Variants in TRPM7 observed in about 807,000 individuals in gnomAD.
TRPM7 encodes the protein transient receptor potential cation channel subfamily M member 7.
Under a neutral mutation model 229.7 loss-of-function variants are expected in TRPM7, and 134 were observed. The ratio of observed to expected loss-of-function variants is 0.58; its 90% CI spans 0.51 to 0.67. TRPM7 has a LOEUF of 0.67. Ranked by LOEUF, TRPM7 falls within the 30% of genes least tolerant of loss-of-function variation. TRPM7 has a pLI of 0.00. For synonymous variants in TRPM7, 699 were observed against 715.2 expected (o/e 0.98, Z 0.36); for missense variants, 1,901 against 2,210.0 (o/e 0.86, Z 2.80).
chr15:50,572,156 G>T (rs1408493512), intron 36 of TRPM7, among the ~76,000 whole-genome samples: 1 of 152,180 alleles, frequency 6.6e-6, no homozygotes. Context: ...GCAGTGACGT[G>T]AGCCTGTAGT....
rs545935637 is a variant in TRPM7, at chr15:50,669,147, C to T, written c.4-6101G>A. On this transcript the variant is annotated intron_variant, in intron 1 of 38. Transcript: ENST00000646667. The stretch of plus-strand genomic sequence containing the variant: ...GTACAAACCCACAGCTGAGGTCAGG[C>T]GCAGTGGCTCATGGCTGAGCGTGGT... Among the ~76,000 whole-genome samples, 5 of 152,222 alleles carry T rather than the reference C, an allele frequency of 3.3e-5. No individual in the cohort carries two copies. In the East Asian group the frequency reaches 9.6e-4, roughly 29 times the overall value.
chr15:50,670,835 T>C (rs1485016549), intron 1 of TRPM7, among the ~76,000 whole-genome samples: 1 of 129,072 alleles, frequency 7.7e-6, no homozygotes, highest in East Asian at 2.1e-4. Context: ...AGCAAGAAAA[T>C]AATAAGAGGA....
In TRPM7 at chr15:50,610,069, A is replaced by T. The variant is rs1391955280; in HGVS notation, c.2281-108T>A. 3.4e-6 allele frequency: 3 copies of T among 890,150 alleles called. No homozygotes were observed. The African/African-American group carries it at 5.1e-5, about 15-fold the overall frequency. The allele number at this position is 890,150 out of a possible 1,614,324, so 55.1% of individuals were successfully genotyped here. On this transcript the variant is annotated intron_variant, in intron 17 of 38. Coordinates refer to ENST00000646667, the MANE Select transcript of TRPM7 (RefSeq NM_017672.6). ...AATAAAAGATTTTAAATATCTTGTG[A>T]TTAGCCATTTTGCCCCTAGCAGTAG... is the stretch of plus-strand genomic sequence containing the variant.
chr15:50,615,713 T>C (rs2060204190), intron 13 of TRPM7, among the ~76,000 whole-genome samples: 1 of 152,094 alleles, frequency 6.6e-6, no homozygotes. Flanking sequence ...CTAGCCAACA[T>C]GGAGAATCCC....
At chr15:50,656,272 G>A (rs752210119) in intron 3 of TRPM7, among the ~76,000 whole-genome samples, 2 of 151,912 alleles carry the variant, frequency 1.3e-5, no homozygotes, top group Non-Finnish European at 2.9e-5. Context: ...AAGTACAGGG[G>A]CAAATATGAA....
At chr15:50,625,160 C>A (rs1379833939) in intron 11 of TRPM7, among the ~76,000 whole-genome samples, 2 of 151,982 alleles carry the variant, frequency 1.3e-5, no homozygotes, top group African/African-American at 4.8e-5. Context: ...TTAATATAGT[C>A]TGTATATTTT....
chr15:50,583,556 T>G (rs2054530870), intron 28 of TRPM7, among the ~76,000 whole-genome samples: 2 of 150,266 alleles, frequency 1.3e-5, no homozygotes. Context: ...GTTTTGTTAT[T>G]TTAAACTTTA....
chr15:50,587,473 C>T (rs3131582), intron 27 of TRPM7, among the ~76,000 whole-genome samples: 50,529 of 131,302 alleles, frequency 0.38, 9,939 homozygotes, highest in Admixed American at 0.53. Flanking sequence ...TAAATCAAAA[C>T]ACAGCTACTG....
Position 50,615,244 on chromosome 15 carries a change from C to CA in TRPM7, c.1495-982dup, listed in dbSNP as rs889452879. ...TATTCCATTTTCATTGTGATACATA[C>CA]AAAAAATTGCATTTTTCTGGAAAAA... On this transcript the variant is annotated intron_variant, in intron 13 of 38. Transcript: ENST00000646667. Among the ~76,000 whole-genome samples the CA allele has an allele frequency of 6.3e-5, 9 of 142,962 alleles. No individual in the cohort carries two copies. The East Asian group carries it at 1.0e-3, about 16-fold the overall frequency. 93.8% of individuals were successfully genotyped at this position (142,962 alleles called of 152,430 possible).
intron 1 of TRPM7, among the ~76,000 whole-genome samples, chr15:50,685,029 A>G (rs1362144119): frequency 1.3e-5 from 2 of 152,258 alleles, no homozygotes; most frequent in Admixed American, 6.5e-5. Flanking sequence ...GTATCCATAA[A>G]TGACATTTGT....
rs369080985 is a variant in TRPM7 at position 50,686,768 on chromosome 15, C to G, written c.-235G>C. The G allele has an allele frequency of 4.2e-6, 2 of 472,334 alleles. No homozygotes were observed. The highest frequency in any genetic ancestry group is 4.1e-5 in the African/African-American group (2 of 48,480). 29.3% of individuals were successfully genotyped at this position (472,334 alleles called of 1,614,324 possible). On this transcript the variant is annotated 5_prime_UTR_variant, in exon 1 of 39. Transcript: ENST00000646667. ...GACTGGCCACAGGGACGCGCCCGCG[C>G]CCGCCTCCGCCGGCGACGGGGCTGG...
intron 1 of TRPM7, among the ~76,000 whole-genome samples, chr15:50,682,173 C>CA (rs34590459): frequency 0.012 from 772 of 63,654 alleles, 40 homozygotes; most frequent in Admixed American, 0.069. Flanking sequence ...AACTCAGTCT[C>CA]AAAAAAAAAA....
At chr15:50,677,197 A>C (rs2062112371) in intron 1 of TRPM7, among the ~76,000 whole-genome samples, 1 of 152,106 alleles carries the variant, frequency 6.6e-6, no homozygotes, top group African/African-American at 2.4e-5. Context: ...GTGTCTTCAC[A>C]CAGTGAAGAG....
At chr15:50,665,663 G>A (rs1228277497) in intron 1 of TRPM7, among the ~76,000 whole-genome samples, 1 of 152,136 alleles carries the variant, frequency 6.6e-6, no homozygotes, top group Non-Finnish European at 1.5e-5. Context: ...AATGGTGCAT[G>A]TATAGGAAAA....
intron 1 of TRPM7, among the ~76,000 whole-genome samples, chr15:50,670,287 TA>T (rs1473309590): frequency 6.6e-6 from 1 of 152,086 alleles, no homozygotes; most frequent in Non-Finnish European, 1.5e-5. Context: ...CCATCTTGAA[TA>T]GGGGCTGAGT....
chr15:50,648,926 T>C, intron 3 of TRPM7, 41 bp from the exon 4 acceptor site: 2 of 1,502,444 alleles, frequency 1.3e-6, no homozygotes, highest in South Asian at 1.3e-5. Flanking sequence ...TTCAAAAAAT[T>C]AGAGTTAATG....
chr15:50,645,685 T>C (rs2061242506), intron 4 of TRPM7, among the ~76,000 whole-genome samples: 1 of 152,182 alleles, frequency 6.6e-6, no homozygotes, highest in African/African-American at 2.4e-5. Flanking sequence ...CTCATTATTA[T>C]ATTTGGGCAC....
intron 13 of TRPM7, 122 bp downstream of exon 13, chr15:50,619,623 C>G (rs1250931351): frequency 3.6e-6 from 3 of 827,888 alleles, no homozygotes; most frequent in African/African-American, 3.5e-5. Context: ...TTATCTTGTT[C>G]TGTAAACTGT....
rs1478036910 is a variant in TRPM7 at position 50,569,953 on chromosome 15, C to T, written c.5401G>A (p.Asp1801Asn). 1 of 1,612,138 alleles carries T rather than the reference C, an allele frequency of 6.2e-7. No individual in the cohort carries two copies. Among genetic ancestry groups the T allele is most frequent in the African/African-American group, 1.3e-5 (1 of 74,830 alleles). The change falls in exon 38 of 39, where the codon GAT becomes AAT. Residue 1801 changes from aspartate to asparagine, a missense_variant. By Grantham distance (23) the Asp-to-Asn change is conservative. Around this residue, in one of 8 missense-constraint regions of TRPM7, gnomAD observed 257 missense variants for 352.0 expected, o/e 0.73. Coordinates refer to ENST00000646667, the MANE Select transcript of TRPM7 (RefSeq NM_017672.6). ...TTTGCTCTGAAGTTTTTAATTGCAT[C>T]TTCTCCTAGATTTGCTGGGCCAAAA... ...MVFGPANLGE[D>N]AIKNFRAKHH...
Sources: gnomAD v4.1 joint callset for allele counts (sites outside exome capture counted in the v4.1 genomes callset) on GRCh38, gnomAD v4.1.1 for gene constraint, gnomAD v4.1.1 regional missense constraint, MANE v1.5 for transcripts, NCBI Gene and HGNC (gene_info 2026-07-23, HGNC 2026-07-21) for gene names.